Variants in SLC28A3 observed in about 807,000 individuals in gnomAD.
SLC28A3 encodes the protein concentrative Na(+)-nucleoside cotransporter 3.
SLC28A3 carries 68 observed loss-of-function variants against 84.2 expected under a neutral mutation model. That is an observed-to-expected ratio of 0.81 (90% CI 0.66 to 0.99). The LOEUF (loss-of-function observed/expected upper bound fraction) is 0.99. SLC28A3 is among the 50% of genes least tolerant of loss of function. The pLI is 0.00. For missense variants in SLC28A3, 712 were observed against 841.5 expected, an observed-to-expected ratio of 0.85 and a Z score of 1.90; for synonymous variants, 267 against 303.6, an observed-to-expected ratio of 0.88 and a Z score of 1.25.
chr9:84,352,892 C>CA, the SLC28A3 span, among the ~76,000 whole-genome samples: 5,320 of 72,014 alleles, frequency 0.074, 496 homozygotes, highest in African/African-American at 0.22. Flanking sequence ...GATTCTGTCT[C>CA]AAAAAAAAAA....
chr9:84,278,038 G>A lies in SLC28A3; in HGVS notation c.*180C>T. On this transcript the variant is annotated 3_prime_UTR_variant, in exon 18 of 18. Coordinates refer to ENST00000376238, the MANE Select transcript of SLC28A3 (RefSeq NM_001199633.2). ...TGGGGAAGGGGCTGGTGGGGAGGGA[G>A]GGGAGGAGGAAAATGTTGTAGCTTT... is the stretch of plus-strand genomic sequence containing the variant. 2 of 744,192 alleles carry A rather than the reference G, an allele frequency of 2.7e-6. No homozygotes were observed. Among genetic ancestry groups the A allele is most frequent in the Non-Finnish European group, 4.1e-6 (2 of 483,390 alleles). The allele number at this position is 744,192 out of a possible 1,614,324, so 46.1% of individuals were successfully genotyped here.
rs1422727638 is a variant in SLC28A3, at chr9:84,276,178, T to C, written c.*2040A>G. The C allele has an allele frequency of 6.6e-6, 1 of 152,198 alleles. No individual in the cohort carries two copies. The highest frequency in any genetic ancestry group is 1.5e-5 in the Non-Finnish European group (1 of 68,042). 9.4% of individuals were successfully genotyped at this position (152,198 alleles called of 1,614,324 possible). ...ATTTACTTTGCAAATTTAGATTTTA[T>C]GAAATCTAAACATGGATTAAGTATT... On this transcript the variant is annotated 3_prime_UTR_variant, in exon 18 of 18. Transcript: ENST00000376238.
At chr9:84,367,714 CAAGTA>C in the SLC28A3 span, among the ~76,000 whole-genome samples, 1 of 152,184 alleles carries the variant, frequency 6.6e-6, no homozygotes, top group African/African-American at 2.4e-5. Flanking sequence ...AACATATGAG[CAAGTA>C]ATCTGCATCA....
intron 10 of SLC28A3, among the ~76,000 whole-genome samples, chr9:84,290,885 T>C (rs1281328665): frequency 4.0e-5 from 6 of 151,670 alleles, no homozygotes; most frequent in Non-Finnish European, 7.4e-5. Flanking sequence ...CAAGAACAGG[T>C]GCCCGCAGGC....
chr9:84,292,865 C>T (rs1239642334), intron 9 of SLC28A3, 117 bp from the exon 10 acceptor site: 1 of 650,308 alleles, frequency 1.5e-6, no homozygotes, highest in Non-Finnish European at 2.5e-6. Flanking sequence ...CATTTGTCAG[C>T]AAGCTAATGA....
intron 1 of SLC28A3, among the ~76,000 whole-genome samples, chr9:84,326,070 C>T (rs1229784296): frequency 6.6e-6 from 1 of 152,054 alleles, no homozygotes; most frequent in East Asian, 1.9e-4. Context: ...CTTTTGTCTG[C>T]ATGTATCTGC....
chr9:84,280,816 C>T lies in SLC28A3; in HGVS notation c.1714G>A (p.Val572Met), dbSNP rs749101126. ...TTTCACTTACTGAGTCCGCCGATCA[C>T]GATTCCTAGGGACCCGATATTGGCA... ...GFANIGSLGI[V>M]IGGLTSMAPS... Residue 572 changes from valine (V) to methionine (M), a missense_variant, in exon 15 of 18, where the codon GTG becomes ATG. Physicochemically the swap from Val to Met is conservative, Grantham distance 21 (BLOSUM62 1). Transcript: ENST00000376238. 30 of 1,613,930 alleles carry T rather than the reference C, an allele frequency of 1.9e-5. No homozygotes were observed. The South Asian group carries it at 2.1e-4, about 11-fold the overall frequency.
chr9:84,356,438 T>C, the SLC28A3 span, among the ~76,000 whole-genome samples: 2 of 152,186 alleles, frequency 1.3e-5, no homozygotes, highest in Admixed American at 6.5e-5. Context: ...TATTGTTCAG[T>C]GTGACTATCT....
intron 16 of SLC28A3, 30 bp from the exon 17 acceptor site, chr9:84,279,415 ATTATTT>A: frequency 7.1e-7 from 1 of 1,415,238 alleles, no homozygotes; most frequent in Non-Finnish European, 9.3e-7. Context: ...CCATTTATTT[ATTATTT>A]TTTAGTTTTA....
chr9:84,361,438 G>A, the SLC28A3 span, among the ~76,000 whole-genome samples: 71 of 152,324 alleles, frequency 4.7e-4, no homozygotes, highest in Admixed American at 1.2e-3. Context: ...CAGGAAACAG[G>A]ATTTCCAACT....
chr9:84,357,754 T>C, the SLC28A3 span, among the ~76,000 whole-genome samples: 1 of 152,130 alleles, frequency 6.6e-6, no homozygotes, highest in Non-Finnish European at 1.5e-5. Context: ...CCCATGAGGC[T>C]CAGAAGTTGA....
At chr9:84,294,325 G>A in intron 8 of SLC28A3, 50 bp from the exon 9 acceptor site, 2 of 1,584,600 alleles carry the variant, frequency 1.3e-6, no homozygotes, top group South Asian at 1.1e-5. Context: ...AGCTGCACCA[G>A]CAGGTTTTAT....
Position 84,285,487 on chromosome 9 carries a change from T to G in SLC28A3, c.1505A>C (p.Gln502Pro). ...GAGTCTGGCAACCATAAAGCTGTCC[T>G]GCCATTCCACTCCCATCATGAAGGA... ...PFSFMMGVEW[Q>P]DSFMVARLIG... Residue 502 changes from glutamine (Q) to proline (P), a missense_variant, in exon 14 of 18, where the codon CAG becomes CCG. Coordinates refer to ENST00000376238, the MANE Select transcript of SLC28A3 (RefSeq NM_001199633.2). 2 of 1,614,202 alleles carry G rather than the reference T, an allele frequency of 1.2e-6. No homozygotes were observed. The highest frequency in any genetic ancestry group is 1.7e-6 in the Non-Finnish European group (2 of 1,180,024).
Position 84,279,291 on chromosome 9 carries a change from T to TA in SLC28A3, c.1922dup (p.Ala642SerfsTer17). 1 of 1,611,802 alleles carries TA rather than the reference T, an allele frequency of 6.2e-7. No homozygotes were observed. Among genetic ancestry groups the TA allele is most frequent in the Non-Finnish European group, 8.5e-7 (1 of 1,179,086 alleles). ...TGCTCAACAGACTTTGGCAACAAGC[T>TA]ATCACCTTGGTTGTGTTTCCAGGGA... On this transcript the variant is annotated frameshift_variant, in exon 17 of 18. Transcript: ENST00000376238. LOFTEE classifies it high-confidence loss of function.
At chr9:84,366,294 T>G in the SLC28A3 span, among the ~76,000 whole-genome samples, 1 of 152,132 alleles carries the variant, frequency 6.6e-6, no homozygotes, top group South Asian at 2.1e-4. Flanking sequence ...GACCCTTCTG[T>G]GTTATCTTGA....
intron 1 of SLC28A3, among the ~76,000 whole-genome samples, chr9:84,326,052 G>A (rs969647080): frequency 2.0e-5 from 3 of 152,144 alleles, no homozygotes; most frequent in African/African-American, 4.8e-5. Context: ...AGTGGAAATC[G>A]TGTTGTGCTT....
At chr9:84,318,118 T>A (rs923281903) in intron 1 of SLC28A3, among the ~76,000 whole-genome samples, 9 of 152,212 alleles carry the variant, frequency 5.9e-5, no homozygotes, top group African/African-American at 2.2e-4. Context: ...TTGGTTCATG[T>A]AACTTTCTGG....
Position 84,299,719 on chromosome 9 carries a change from G to A in SLC28A3, c.531C>T (p.Ile177=). 2 of 1,596,782 alleles carry A rather than the reference G, an allele frequency of 1.3e-6. No homozygotes were observed. Among genetic ancestry groups the A allele is most frequent in the East Asian group, 4.5e-5 (2 of 44,796 alleles). The change falls in exon 6 of 18, where the codon ATC becomes ATT. Residue 177 remains isoleucine (I), a synonymous_variant. Transcript: ENST00000376238. ...NSHWFWLKWV[I]WSSLVLAVIF... ...TAACTGCTAGGACCAGGGAGCTCCA[G>A]ATCACCCTAAGAGAAGGGGAAAGGA...
intron 8 of SLC28A3, among the ~76,000 whole-genome samples, chr9:84,294,626 C>G (rs1357957298): frequency 6.6e-6 from 1 of 152,126 alleles, no homozygotes; most frequent in African/African-American, 2.4e-5. Context: ...GCAGAGTAAC[C>G]TAAGTTGAGA....
Sources: gnomAD v4.1 joint callset for allele counts (sites outside exome capture counted in the v4.1 genomes callset) on GRCh38, gnomAD v4.1.1 for gene constraint, MANE v1.5 for transcripts, NCBI Gene and HGNC (gene_info 2026-07-23, HGNC 2026-07-21) for gene names.